Variants in SBF2 observed in about 807,000 individuals in gnomAD.
The protein encoded by SBF2 is SET binding factor 2.
Under a neutral mutation model 225.2 loss-of-function variants are expected in SBF2, and 112 were observed. The ratio of observed to expected loss-of-function variants is 0.50; its 90% CI spans 0.43 to 0.58. The LOEUF (loss-of-function observed/expected upper bound fraction) is 0.58. SBF2 is among the 20% of genes least tolerant of loss of function. The pLI is 0.00. For missense variants in SBF2, 1,996 were observed against 2,206.2 expected (o/e 0.90, Z 1.91); for synonymous variants, 763 against 773.3 (o/e 0.99, Z 0.22).
intron 1 of SBF2, among the ~76,000 whole-genome samples, chr11:10,258,659 T>C (rs908454621): frequency 2.6e-5 from 4 of 152,258 alleles, no homozygotes; most frequent in Non-Finnish European, 4.4e-5. Context: ...GAAAATGTCA[T>C]GGCCACGCTG....
At chr11:10,077,047 G>A (rs1341998846) in intron 2 of SBF2, among the ~76,000 whole-genome samples, 5 of 152,116 alleles carry the variant, frequency 3.3e-5, no homozygotes, top group African/African-American at 7.2e-5. Flanking sequence ...GCTGGATCTC[G>A]CATGCTAGCG....
intron 16 of SBF2, chr11:9,956,440 T>C (rs542161916): frequency 6.6e-6 from 1 of 152,362 alleles, no homozygotes; most frequent in East Asian, 1.9e-4. Flanking sequence ...TGTTTGATAT[T>C]ATCAGACTTT....
rs540053286 is a variant in SBF2, at chr11:10,188,089, C to T, written c.141+5813G>A. Among the ~76,000 whole-genome samples the T allele has an allele frequency of 5.3e-5, 8 of 152,316 alleles. No individual in the cohort carries two copies. In the East Asian group the frequency reaches 1.5e-3, roughly 29 times the overall value. ...AATTTCAAATCCCGTATTCTTTCTA[C>T]TGAACCACATTAGTCTCTTAGAGAA... is the stretch of plus-strand genomic sequence containing the variant. On this transcript the variant is annotated intron_variant, in intron 2 of 39. Transcript: ENST00000256190.
At chr11:9,864,282 C>A (rs1590256685) in intron 17 of SBF2, among the ~76,000 whole-genome samples, 1 of 152,156 alleles carries the variant, frequency 6.6e-6, no homozygotes, top group South Asian at 2.1e-4. Context: ...TTGCTCAGAT[C>A]AAGGCATACA....
At chr11:9,840,914 T>C (rs1041172120) in intron 25 of SBF2, among the ~76,000 whole-genome samples, 27 of 147,450 alleles carry the variant, frequency 1.8e-4, no homozygotes, top group Non-Finnish European at 3.6e-4. Context: ...TAGGGAGGCT[T>C]TTTTTTTTTT....
intron 15 of SBF2, among the ~76,000 whole-genome samples, chr11:9,962,985 T>A (rs1360368195): frequency 1.3e-5 from 2 of 152,140 alleles, no homozygotes; most frequent in African/African-American, 4.8e-5. Flanking sequence ...AACCAACCCC[T>A]GAAAATAGAT....
intron 16 of SBF2, among the ~76,000 whole-genome samples, chr11:9,931,724 C>G (rs1195810791): frequency 2.0e-5 from 3 of 151,602 alleles, no homozygotes; most frequent in Admixed American, 1.3e-4. Context: ...ACCTCTTCTC[C>G]TCCAAAGGAT....
intron 2 of SBF2, among the ~76,000 whole-genome samples, chr11:10,189,434 A>T (rs560574414): frequency 4.7e-4 from 71 of 152,320 alleles, no homozygotes; most frequent in African/African-American, 1.6e-3. Context: ...TTGCATTCTA[A>T]ACAGCTTAAA....
At chr11:9,816,215 G>C (rs1027700515) in intron 29 of SBF2, among the ~76,000 whole-genome samples, 1 of 152,150 alleles carries the variant, frequency 6.6e-6, no homozygotes, top group African/African-American at 2.4e-5. Flanking sequence ...TACAATTTAT[G>C]GGCCCTCAGC....
intron 1 of SBF2, among the ~76,000 whole-genome samples, chr11:10,253,812 T>A (rs915590491): frequency 6.6e-6 from 1 of 151,924 alleles, no homozygotes; most frequent in African/African-American, 2.4e-5. Flanking sequence ...TGCCCCCTTA[T>A]CACGCTGATC....
At chr11:10,056,014 C>T (rs897489659) in intron 2 of SBF2, among the ~76,000 whole-genome samples, 4 of 152,044 alleles carry the variant, frequency 2.6e-5, no homozygotes, top group African/African-American at 7.2e-5. Context: ...TAGTTTTGAA[C>T]ATTCAAGTTT....
intron 16 of SBF2, among the ~76,000 whole-genome samples, chr11:9,912,761 CA>C (rs1862747789): frequency 6.6e-6 from 1 of 152,132 alleles, no homozygotes; most frequent in Non-Finnish European, 1.5e-5. Context: ...TAGACAACAA[CA>C]AAATTGTCAA....
chr11:10,029,217 C>A (rs1043188898), intron 5 of SBF2, among the ~76,000 whole-genome samples: 2 of 151,984 alleles, frequency 1.3e-5, no homozygotes, highest in African/African-American at 2.4e-5. Flanking sequence ...GACCAAGAAA[C>A]AATAAATAAA....
intron 17 of SBF2, among the ~76,000 whole-genome samples, chr11:9,882,814 A>AAAC (rs1859929374): frequency 6.6e-6 from 1 of 150,972 alleles, no homozygotes; most frequent in Non-Finnish European, 1.5e-5. Flanking sequence ...AAAAAAAAAA[A>AAAC]AAAAAACCAC....
intron 33 of SBF2, chr11:9,791,257 A>G (rs951550678): frequency 6.6e-6 from 1 of 152,284 alleles, no homozygotes; most frequent in Non-Finnish European, 1.5e-5. Flanking sequence ...CAAATAGTCA[A>G]TCTATTACTA....
chr11:9,912,183 C>T (rs1862680682), intron 16 of SBF2, among the ~76,000 whole-genome samples: 1 of 150,126 alleles, frequency 6.7e-6, no homozygotes, highest in Non-Finnish European at 1.5e-5. Context: ...GGCATAGTGG[C>T]GGGTGCCTGT....
In SBF2 at chr11:9,861,078, T is replaced by C. The variant is rs542705165; in HGVS notation, c.1930-2682A>G. On this transcript the variant is annotated intron_variant, in intron 17 of 39. Transcript: ENST00000256190. Reference sequence around the variant, plus strand: ...CAGAAGTGTTTCTGATTTTGGAATATCTGCATCATATTTACTGGTTGAGCA... The same window carrying C: ...CAGAAGTGTTTCTGATTTTGGAATACCTGCATCATATTTACTGGTTGAGCA... Among the ~76,000 whole-genome samples the C allele has an allele frequency of 5.3e-4, 81 of 152,372 alleles. 3 individuals carry two copies. The South Asian group carries it at 0.016, about 30-fold the overall frequency.
intron 15 of SBF2, among the ~76,000 whole-genome samples, chr11:9,962,822 T>A (rs550249090): frequency 1.3e-5 from 2 of 152,280 alleles, no homozygotes; most frequent in Non-Finnish European, 2.9e-5. Context: ...GAGGGCATGA[T>A]ATCACTAAAG....
intron 17 of SBF2, among the ~76,000 whole-genome samples, chr11:9,885,507 G>C (rs758752714): frequency 5.3e-5 from 8 of 152,004 alleles, no homozygotes; most frequent in Non-Finnish European, 7.4e-5. Context: ...TCTTCTTCAA[G>C]TTTTACAAGA....
Sources: allele counts gnomAD v4.1 joint callset (sites outside exome capture counted in the v4.1 genomes callset), GRCh38; gene constraint gnomAD v4.1.1; transcripts MANE v1.5; gene names NCBI Gene and HGNC (gene_info 2026-07-23, HGNC 2026-07-21).